Variants in CCL17 observed in about 807,000 individuals in gnomAD.
The protein encoded by CCL17 is C-C motif chemokine ligand 17.
CCL17 carries 8 observed loss-of-function variants against 7.4 expected under a neutral mutation model. The observed-to-expected ratio is 1.09, with a 90% CI of 0.64 to 1.96. The LOEUF is 1.96. CCL17 is among the 30% of genes most tolerant of loss of function. The probability of loss-of-function intolerance (pLI) is 0.00; values close to 1 mark genes in which losing one functional copy is unlikely to be tolerated. For synonymous variants in CCL17, 40 were observed against 46.1 expected (o/e 0.87, Z 0.54); for missense variants, 102 against 113.0 (o/e 0.90, Z 0.44).
rs1902823479 is a variant in CCL17 at position 57,413,870 on chromosome 16, G to A, written c.-59-4G>A. ...AGGTCACTGCCACCCTCGACTCTCAGCAGGGTGTCTCCCTGAGCAGAGGGA... is the reference window on the plus strand; with the variant it reads ...AGGTCACTGCCACCCTCGACTCTCAACAGGGTGTCTCCCTGAGCAGAGGGA... On this transcript the variant is annotated splice_polypyrimidine_tract_variant and splice_region_variant and intron_variant, in intron 1 of 3. Transcript: ENST00000219244. The A allele has an allele frequency of 1.4e-6, 2 of 1,461,618 alleles. No homozygotes were observed. Among genetic ancestry groups the A allele is most frequent in the Non-Finnish European group, 9.4e-7 (1 of 1,069,164 alleles). The allele number at this position is 1,461,618 out of a possible 1,614,324, so 90.5% of individuals were successfully genotyped here. A position where few individuals can be genotyped will look rare whatever the true frequency, so the allele number is the denominator to read the frequency against.
chr16:57,409,416 T>A (rs1198959569), intron 1 of CCL17, among the ~76,000 whole-genome samples: 1 of 152,142 alleles, frequency 6.6e-6, no homozygotes, highest in Non-Finnish European at 1.5e-5. Context: ...AAGTTGAGCC[T>A]GGAGAAGTAG....
intron 1 of CCL17, among the ~76,000 whole-genome samples, chr16:57,406,683 G>A (rs8057799): frequency 0.057 from 8,693 of 152,192 alleles, 276 homozygotes; most frequent in Middle Eastern, 0.099. Flanking sequence ...ATGACAAGGC[G>A]ATTCCCTGAG....
At chr16:57,412,174 T>G (rs1902794798) in intron 1 of CCL17, among the ~76,000 whole-genome samples, 1 of 152,028 alleles carries the variant, frequency 6.6e-6, no homozygotes, top group African/African-American at 2.4e-5. Context: ...CCTCTACAGG[T>G]GATGAGATTG....
chr16:57,411,358 G>C (rs1392611992), intron 1 of CCL17, among the ~76,000 whole-genome samples: 5 of 152,140 alleles, frequency 3.3e-5, no homozygotes, highest in African/African-American at 7.2e-5. Flanking sequence ...GCCTGCACCA[G>C]CCTTGAACTG....
At chr16:57,409,965 T>G (rs748946781) in intron 1 of CCL17, among the ~76,000 whole-genome samples, 3 of 152,194 alleles carry the variant, frequency 2.0e-5, no homozygotes, top group Non-Finnish European at 4.4e-5. Flanking sequence ...CAATCCTTAC[T>G]GAGCTGCTCC....
intron 2 of CCL17, among the ~76,000 whole-genome samples, chr16:57,414,478 G>A (rs1203526128): frequency 2.2e-5 from 3 of 136,282 alleles, no homozygotes; most frequent in African/African-American, 8.5e-5. Context: ...GAGTGCAATG[G>A]TGTGATCTTG....
At chr16:57,414,691 C>A (rs1346614977) in intron 2 of CCL17, among the ~76,000 whole-genome samples, 3 of 151,642 alleles carry the variant, frequency 2.0e-5, no homozygotes, top group African/African-American at 7.3e-5. Context: ...GCCACGGCGC[C>A]CAGACTGAAA....
chr16:57,397,756 CT>C, the CCL17 span, among the ~76,000 whole-genome samples: 1 of 152,172 alleles, frequency 6.6e-6, no homozygotes, highest in Non-Finnish European at 1.5e-5. Context: ...CACATTTATT[CT>C]TTTTTTCCTT....
chr16:57,400,832 G>A (rs574926134), upstream of CCL17, among the ~76,000 whole-genome samples: 15 of 152,034 alleles, frequency 9.9e-5, no homozygotes, highest in South Asian at 3.1e-3. Context: ...AGCCATGCTT[G>A]GTGGCGTGTG....
At chr16:57,409,557 G>T (rs995196950) in intron 1 of CCL17, among the ~76,000 whole-genome samples, 6 of 152,158 alleles carry the variant, frequency 3.9e-5, no homozygotes, top group African/African-American at 1.4e-4. Context: ...GACCAGGAAG[G>T]CCTGGAAGCT....
At chr16:57,410,352 CTT>C (rs1192895140) in intron 1 of CCL17, among the ~76,000 whole-genome samples, 4 of 152,180 alleles carry the variant, frequency 2.6e-5, no homozygotes, top group African/African-American at 9.7e-5. Flanking sequence ...TGCCTGGCCA[CTT>C]TAGTCAGAGG....
chr16:57,407,245 A>G (rs1346959778), intron 1 of CCL17, among the ~76,000 whole-genome samples: 1 of 152,102 alleles, frequency 6.6e-6, no homozygotes. Flanking sequence ...CAACTGAGGG[A>G]AGGAGGCCCC....
chr16:57,397,586 G>A, the CCL17 span, among the ~76,000 whole-genome samples: 3 of 152,256 alleles, frequency 2.0e-5, no homozygotes, highest in African/African-American at 7.2e-5. Context: ...CTTCAGCAGT[G>A]TAAGACTGCC....
upstream of CCL17, among the ~76,000 whole-genome samples, chr16:57,404,561 C>T (rs555269531): frequency 1.3e-5 from 2 of 152,024 alleles, no homozygotes; most frequent in African/African-American, 4.8e-5. Flanking sequence ...TTGGAGCTGC[C>T]TATTTGGTAT....
intron 1 of CCL17, among the ~76,000 whole-genome samples, chr16:57,407,566 C>T (rs753810440): frequency 2.6e-5 from 4 of 152,102 alleles, no homozygotes; most frequent in African/African-American, 9.7e-5. Flanking sequence ...TATATCCATT[C>T]ATCATCTATC....
At chr16:57,407,118 G>A (rs1252835110) in intron 1 of CCL17, among the ~76,000 whole-genome samples, 1 of 152,194 alleles carries the variant, frequency 6.6e-6, no homozygotes, top group Non-Finnish European at 1.5e-5. Context: ...GGCAGCATGC[G>A]AGGGTGTTGA....
chr16:57,413,354 G>C lies in CCL17; in HGVS notation c.-59-520G>C, dbSNP rs550382878. On this transcript the variant is annotated intron_variant, in intron 1 of 3. Transcript: ENST00000219244. ...GAGTGATGCCCATGTGCCCATGCCC[G>C]GCAGCCAGGGTGGCCCTGGCAGCAC... is the stretch of plus-strand genomic sequence containing the variant. Among the ~76,000 whole-genome samples, 6 of 152,140 alleles carry C rather than the reference G, an allele frequency of 3.9e-5. No individual in the cohort carries two copies. In the South Asian group the frequency reaches 1.2e-3, roughly 32 times the overall value.
chr16:57,413,570 G>A (rs1804710237), intron 1 of CCL17, among the ~76,000 whole-genome samples: 1 of 152,224 alleles, frequency 6.6e-6, no homozygotes, highest in Non-Finnish European at 1.5e-5. Flanking sequence ...TCCAGCTACA[G>A]AGAGATGAAC....
chr16:57,396,124 G>A, the CCL17 span, among the ~76,000 whole-genome samples: 1 of 152,188 alleles, frequency 6.6e-6, no homozygotes, highest in Non-Finnish European at 1.5e-5. Context: ...TCTGGTTCCT[G>A]TAACAGTGGC....
Sources: allele counts gnomAD v4.1 joint callset (sites outside exome capture counted in the v4.1 genomes callset), GRCh38; gene constraint gnomAD v4.1.1; transcripts MANE v1.5; gene names NCBI Gene and HGNC (gene_info 2026-07-23, HGNC 2026-07-21).